Variants in TRIM48 observed in about 807,000 individuals in gnomAD.
The protein encoded by TRIM48 is tripartite motif containing 48.
A neutral mutation model predicts 29.5 loss-of-function variants in TRIM48; 31 were observed. The ratio of observed to expected loss-of-function variants is 1.05; its 90% confidence interval spans 0.79 to 1.42. The LOEUF (loss-of-function observed/expected upper bound fraction) is 1.42. TRIM48 is among the 40% of genes most tolerant of loss of function. The pLI is 0.00. For missense variants in TRIM48, 344 were observed against 265.0 expected, an observed-to-expected ratio of 1.30 and a Z score of -2.07; for synonymous variants, 128 against 90.6, an observed-to-expected ratio of 1.41 and a Z score of -2.34.
Position 55,265,091 on chromosome 11 carries a change from AC to A in TRIM48, c.238del (p.Leu80SerfsTer7). 1 of 1,583,136 alleles carries A rather than the reference AC, an allele frequency of 6.3e-7. No homozygotes were observed. Among genetic ancestry groups the A allele is most frequent in the East Asian group, 2.4e-5 (1 of 41,422 alleles). On this transcript the variant is annotated frameshift_variant, in exon 2 of 6. Transcript: ENST00000417545. LOFTEE classifies it high-confidence loss of function. ...TGCATAAAGACAATACAGCAGAGAAACCTCAAAACTAACATTCGATTGAAGA... is the reference window on the plus strand; with the variant it reads ...TGCATAAAGACAATACAGCAGAGAAACTCAAAACTAACATTCGATTGAAGA... The part of the protein sequence containing the change: ...FECIKTIQQR[N>X]LKTNIRLKKM...
At chr11:55,263,443 G>A (rs118175040) in intron 1 of TRIM48, among the ~76,000 whole-genome samples, 34 of 151,954 alleles carry the variant, frequency 2.2e-4, no homozygotes, top group Admixed American at 1.0e-3. Flanking sequence ...ACTTGAGGCC[G>A]GGAGTTCAAG....
At position 55,269,198 on chromosome 11, in the gene TRIM48, A is replaced by G. The variant is rs749433147; in HGVS notation, c.579-44A>G. 2.4e-5 allele frequency: 37 copies of G among 1,558,106 alleles called. 1 individual carries two copies. Among genetic ancestry groups the G allele is most frequent in the Non-Finnish European group, 2.9e-5 (33 of 1,157,890 alleles). Reference sequence around the variant, plus strand: ...TAAACACAAGTAGTGATTTTTATTTATTTTATGGCTGTAGATGTTGTAACT... The same window carrying G: ...TAAACACAAGTAGTGATTTTTATTTGTTTTATGGCTGTAGATGTTGTAACT... On this transcript the variant is annotated intron_variant, in intron 4 of 5. Coordinates refer to ENST00000417545, the MANE Select transcript of TRIM48 (RefSeq NM_024114.5).
At chr11:55,269,721 T>C (rs1857451134) in intron 5 of TRIM48, among the ~76,000 whole-genome samples, 2 of 147,596 alleles carry the variant, frequency 1.4e-5, no homozygotes, top group Admixed American at 1.4e-4. Context: ...TTTTGGGGAA[T>C]ATAGTTCGCT....
At position 55,262,190 on chromosome 11, in the gene TRIM48, G is replaced by A. The variant is rs1857311606; in HGVS notation, c.-78G>A. The A allele has an allele frequency of 4.5e-6, 5 of 1,100,722 alleles. No homozygotes were observed. In the East Asian group the frequency reaches 1.0e-4, roughly 23 times the overall value. The allele number at this position is 1,100,722 out of a possible 1,614,324, so 68.2% of individuals were successfully genotyped here. On this transcript the variant is annotated 5_prime_UTR_variant, in exon 1 of 6. Coordinates refer to ENST00000417545, the MANE Select transcript of TRIM48 (RefSeq NM_024114.5). Reference sequence around the variant, plus strand: ...AAAGGAGAAGGAGTGCACTTAGAGGGAGCTGTGTTTTGGTGACCTCTGAAA... The same window carrying A: ...AAAGGAGAAGGAGTGCACTTAGAGGAAGCTGTGTTTTGGTGACCTCTGAAA...
intron 4 of TRIM48, 137 bp from the exon 5 acceptor site, chr11:55,269,105 C>T (rs1857436778): frequency 7.5e-7 from 1 of 1,333,618 alleles, no homozygotes; most frequent in Non-Finnish European, 1.0e-6. Flanking sequence ...AAATTAATTC[C>T]AAAAAGGAAG....
In TRIM48 at chr11:55,271,035, G is replaced by A. The variant is rs529287479; in HGVS notation, c.*600G>A. The A allele has an allele frequency of 1.4e-5, 19 of 1,391,418 alleles. 1 individual carries two copies. The highest frequency in any genetic ancestry group is 1.8e-5 in the Non-Finnish European group (19 of 1,041,236). The allele number at this position is 1,391,418 out of a possible 1,614,324, so 86.2% of individuals were successfully genotyped here. On this transcript the variant is annotated 3_prime_UTR_variant, in exon 6 of 6. Transcript: ENST00000417545. ...TTATCAAACAGGACAAATAGGTTCGGTTTTATGTCTTGAATTGCATTCTAA... is the reference window on the plus strand; with the variant it reads ...TTATCAAACAGGACAAATAGGTTCGATTTTATGTCTTGAATTGCATTCTAA...
chr11:55,268,866 T>A (rs1272131160), intron 4 of TRIM48, among the ~76,000 whole-genome samples: 2 of 148,034 alleles, frequency 1.4e-5, no homozygotes, highest in Non-Finnish European at 3.0e-5. Flanking sequence ...ACATTCTTTA[T>A]CTTGAAAAGG....
At position 55,270,489 on chromosome 11, in the gene TRIM48, A is replaced by C; in HGVS notation, c.*54A>C. ...CCAACAGTCATATCTTCCGATGTGG[A>C]GATTTGAGAAGCATTTGTATTGGAT... On this transcript the variant is annotated 3_prime_UTR_variant, in exon 6 of 6. Transcript: ENST00000417545. 2 of 1,568,892 alleles carry C rather than the reference A, an allele frequency of 1.3e-6. No homozygotes were observed. Among genetic ancestry groups the C allele is most frequent in the Non-Finnish European group, 1.7e-6 (2 of 1,155,852 alleles).
At chr11:55,263,492 GA>G (rs879822190) in intron 1 of TRIM48, among the ~76,000 whole-genome samples, 1,552 of 143,478 alleles carry the variant, frequency 0.011, 21 homozygotes, top group African/African-American at 0.036. Context: ...ATCTCTACTG[GA>G]AAAAAAAAAA....
At chr11:55,262,946 A>G (rs1452956532) in intron 1 of TRIM48, among the ~76,000 whole-genome samples, 22 of 152,152 alleles carry the variant, frequency 1.4e-4, no homozygotes, top group Non-Finnish European at 4.4e-5. Flanking sequence ...AAGATTTTTC[A>G]TTGCTTTCAC....
Position 55,265,523 on chromosome 11 carries a change from G to T in TRIM48, c.460-77G>T, listed in dbSNP as rs1857378880. 4 of 1,521,822 alleles carry T rather than the reference G, an allele frequency of 2.6e-6. No homozygotes were observed. The Admixed American group carries it at 7.2e-5, about 28-fold the overall frequency. The allele number at this position is 1,521,822 out of a possible 1,614,324, so 94.3% of individuals were successfully genotyped here. On this transcript the variant is annotated intron_variant, in intron 2 of 5. Coordinates refer to ENST00000417545, the MANE Select transcript of TRIM48 (RefSeq NM_024114.5). ...TAGGGACTTATTTGTCTCTCATTCT[G>T]GGCCCCCTCCCAATGAAACGGTCTG... is the stretch of plus-strand genomic sequence containing the variant.
At chr11:55,263,973 T>C (rs1469564042) in intron 1 of TRIM48, among the ~76,000 whole-genome samples, 4 of 152,126 alleles carry the variant, frequency 2.6e-5, no homozygotes, top group Non-Finnish European at 4.4e-5. Flanking sequence ...TGAGGGATGA[T>C]GGTCCCACTC....
chr11:55,269,695 C>G (rs1352943412), intron 5 of TRIM48, among the ~76,000 whole-genome samples: 1 of 147,046 alleles, frequency 6.8e-6, no homozygotes, highest in Non-Finnish European at 1.5e-5. Context: ...TTCATTTGAA[C>G]AGTTAAGAAC....
intron 1 of TRIM48, among the ~76,000 whole-genome samples, chr11:55,263,282 C>T (rs540741848): frequency 1.3e-5 from 2 of 152,190 alleles, no homozygotes; most frequent in South Asian, 4.1e-4. Context: ...GAGCAATAGG[C>T]TGTACTGTAT....
Position 55,271,041 on chromosome 11 carries a change from T to C in TRIM48, c.*606T>C, listed in dbSNP as rs1857478842. The C allele has an allele frequency of 5.1e-6, 7 of 1,370,224 alleles. 1 individual carries two copies. Among genetic ancestry groups the C allele is most frequent in the Middle Eastern group, 2.7e-4 (1 of 3,710 alleles). 84.9% of individuals were successfully genotyped at this position (1,370,224 alleles called of 1,614,324 possible). ...AACAGGACAAATAGGTTCGGTTTTA[T>C]GTCTTGAATTGCATTCTAATGTTAT... On this transcript the variant is annotated 3_prime_UTR_variant, in exon 6 of 6. Coordinates refer to ENST00000417545, the MANE Select transcript of TRIM48 (RefSeq NM_024114.5).
At position 55,266,030 on chromosome 11, in the gene TRIM48, G is replaced by T. The variant is rs1010975234; in HGVS notation, c.555+335G>T. On this transcript the variant is annotated intron_variant, in intron 3 of 5. Coordinates refer to ENST00000417545, the MANE Select transcript of TRIM48 (RefSeq NM_024114.5). ...AAATGCTGGGCATAAGAGTTATTTG[G>T]CAGTCATGGAAAGCTCAAGTGAACC... Among the ~76,000 whole-genome samples, 6 of 147,386 alleles carry T rather than the reference G, an allele frequency of 4.1e-5. 1 individual carries two copies. Among genetic ancestry groups the T allele is most frequent in the African/African-American group, 7.4e-5 (3 of 40,280 alleles).
chr11:55,270,305 A>C (rs1339871324), intron 5 of TRIM48, 132 bp from the exon 6 acceptor site: 3 of 697,238 alleles, frequency 4.3e-6, no homozygotes, highest in Non-Finnish European at 6.7e-6. Flanking sequence ...AGTTACAAGC[A>C]AAAGTGTCCT....
Position 55,269,307 on chromosome 11 carries a change from C to G in TRIM48, c.644C>G (p.Thr215Ser). Residue 215 changes from threonine (T) to serine (S), a missense_variant, in exon 5 of 6, where the codon ACT becomes AGT. Transcript: ENST00000417545. Reference sequence around the variant, plus strand: ...CTAGCGCTCAGGGCAGGGCCCATCACTGGACTGAGGGACAGGCTCAACCAA... The same window carrying G: ...CTAGCGCTCAGGGCAGGGCCCATCAGTGGACTGAGGGACAGGCTCAACCAA... ...LNLALRAGPI[T>S]GLRDRLNQF 21 of 1,576,024 alleles carry G rather than the reference C, an allele frequency of 1.3e-5. 3 individuals carry two copies. The highest frequency in any genetic ancestry group is 1.7e-5 in the Non-Finnish European group (20 of 1,166,066).
rs565244463 is a variant in TRIM48, at chr11:55,262,155, A to G, written c.-113A>G. 1 of 797,192 alleles carries G rather than the reference A, an allele frequency of 1.3e-6. No individual in the cohort carries two copies. Among genetic ancestry groups the G allele is most frequent in the East Asian group, 2.7e-5 (1 of 37,356 alleles). The allele number at this position is 797,192 out of a possible 1,614,324, so 49.4% of individuals were successfully genotyped here. A position where few individuals can be genotyped will look rare whatever the true frequency, so the allele number is the denominator to read the frequency against. ...TAAAGGACATAGAAGAGACAAGCTC[A>G]GTTTTCTCCAAAGGAGAAGGAGTGC... On this transcript the variant is annotated 5_prime_UTR_variant, in exon 1 of 6. Coordinates refer to ENST00000417545, the MANE Select transcript of TRIM48 (RefSeq NM_024114.5).
Sources: allele counts gnomAD v4.1 joint callset (sites outside exome capture counted in the v4.1 genomes callset), GRCh38; gene constraint gnomAD v4.1.1; transcripts MANE v1.5; gene names NCBI Gene and HGNC (gene_info 2026-07-23, HGNC 2026-07-21).